Variants in GULP1 observed in about 807,000 individuals in gnomAD.
GULP1 encodes the protein GULP PTB domain containing engulfment adaptor 1.
GULP1 carries 19 observed loss-of-function variants against 40.9 expected under a neutral mutation model. The ratio of observed to expected loss-of-function variants is 0.46; its 90% CI spans 0.32 to 0.68. The LOEUF (loss-of-function observed/expected upper bound fraction) is 0.68. Ranked by LOEUF, GULP1 falls within the 30% of genes least tolerant of loss-of-function variation. GULP1 has a pLI of 0.03. For missense variants in GULP1, 312 were observed against 362.2 expected (o/e 0.86, Z 1.12); for synonymous variants, 119 against 117.6 (o/e 1.01, Z -0.08).
At chr2:188,391,530 A>G (rs555481747) in intron 2 of GULP1, among the ~76,000 whole-genome samples, 3 of 152,114 alleles carry the variant, frequency 2.0e-5, no homozygotes, top group South Asian at 4.1e-4. Context: ...ATGGTTTTCT[A>G]TGTATACAAT....
intron 4 of GULP1, among the ~76,000 whole-genome samples, chr2:188,514,907 T>C (rs1188410023): frequency 6.6e-6 from 1 of 152,208 alleles, no homozygotes; most frequent in East Asian, 1.9e-4. Flanking sequence ...TATACCTTAG[T>C]AGTATTCCAT....
chr2:188,542,513 T>C (rs957310021), intron 7 of GULP1, among the ~76,000 whole-genome samples: 1 of 152,004 alleles, frequency 6.6e-6, no homozygotes, highest in Non-Finnish European at 1.5e-5. Flanking sequence ...ATAGAGCAAG[T>C]TTTTATTTTT....
chr2:188,493,005 T>G (rs756025084), intron 4 of GULP1, among the ~76,000 whole-genome samples: 6 of 152,106 alleles, frequency 3.9e-5, no homozygotes, highest in Non-Finnish European at 8.8e-5. Context: ...TTTGCAACGT[T>G]TACATTTTGT....
In GULP1 at chr2:188,570,128, T is replaced by C. The variant is rs746688944; in HGVS notation, c.609+8T>C. The C allele has an allele frequency of 1.8e-6, 2 of 1,123,482 alleles. No homozygotes were observed. The highest frequency in any genetic ancestry group is 2.1e-5 in the Admixed American group (1 of 47,100). 69.6% of individuals were successfully genotyped at this position (1,123,482 alleles called of 1,614,324 possible). Reference sequence around the variant, plus strand: ...CAAGTATCAGCACCTCCAGTGAGTATATTGAATATCCTTAGAAACAAGATT... The same window carrying C: ...CAAGTATCAGCACCTCCAGTGAGTACATTGAATATCCTTAGAAACAAGATT... On this transcript the variant is annotated splice_region_variant and intron_variant, in intron 9 of 11. Coordinates refer to ENST00000409830, the MANE Select transcript of GULP1 (RefSeq NM_016315.4).
chr2:188,586,024 T>A (rs893380393), intron 10 of GULP1, among the ~76,000 whole-genome samples: 1 of 152,196 alleles, frequency 6.6e-6, no homozygotes, highest in Admixed American at 6.5e-5. Context: ...CCAGGTCACA[T>A]CTTGAATGCT....
chr2:188,539,055 A>G (rs752006676), intron 6 of GULP1, among the ~76,000 whole-genome samples: 16 of 152,052 alleles, frequency 1.1e-4, no homozygotes, highest in South Asian at 2.1e-4. Flanking sequence ...AGCAATCTCA[A>G]TAACAATTGG....
intron 2 of GULP1, among the ~76,000 whole-genome samples, chr2:188,385,284 G>C (rs572016843): frequency 1.3e-5 from 2 of 152,278 alleles, no homozygotes; most frequent in South Asian, 4.2e-4. Context: ...TGTGGAAGCT[G>C]CCAAGACTTG....
At chr2:188,382,027 A>G (rs6724867) in intron 1 of GULP1, among the ~76,000 whole-genome samples, 74,313 of 152,000 alleles carry the variant, frequency 0.49, 18,646 homozygotes, top group East Asian at 0.71. Context: ...TGGCCTTAAA[A>G]TATACTGTGC....
At chr2:188,418,417 A>C in intron 2 of GULP1, among the ~76,000 whole-genome samples, 1 of 152,136 alleles carries the variant, frequency 6.6e-6, no homozygotes, top group East Asian at 1.9e-4. Context: ...GGATCCCCTG[A>C]GGTCAGGAGT....
chr2:188,451,929 A>G (rs979075967), intron 2 of GULP1, among the ~76,000 whole-genome samples: 1 of 152,188 alleles, frequency 6.6e-6, no homozygotes, highest in Non-Finnish European at 1.5e-5. Context: ...GTGATAGTAA[A>G]TATGTTTTAA....
At chr2:188,395,379 G>T (rs969440058) in intron 2 of GULP1, among the ~76,000 whole-genome samples, 5 of 152,202 alleles carry the variant, frequency 3.3e-5, no homozygotes, top group Non-Finnish European at 7.3e-5. Context: ...TAATCCCCTT[G>T]AATTGTTCCA....
At chr2:188,393,952 A>G (rs1394816606) in intron 2 of GULP1, among the ~76,000 whole-genome samples, 1 of 151,974 alleles carries the variant, frequency 6.6e-6, no homozygotes, top group South Asian at 2.1e-4. Flanking sequence ...CTGCTCTTAG[A>G]ATTCTTTTTT....
intron 5 of GULP1, among the ~76,000 whole-genome samples, chr2:188,525,908 C>G (rs190390429): frequency 2.0e-5 from 3 of 152,056 alleles, no homozygotes; most frequent in South Asian, 2.1e-4. Flanking sequence ...ATATAAACAT[C>G]GCTCATTTCC....
At chr2:188,420,753 G>A (rs956081918) in intron 2 of GULP1, among the ~76,000 whole-genome samples, 1 of 152,138 alleles carries the variant, frequency 6.6e-6, no homozygotes, top group Non-Finnish European at 1.5e-5. Context: ...CTGGGAAAAG[G>A]CACCATTCAT....
intron 9 of GULP1, among the ~76,000 whole-genome samples, chr2:188,571,156 C>A (rs558679268): frequency 2.2e-4 from 33 of 151,552 alleles, no homozygotes; most frequent in Non-Finnish European, 4.1e-4. Context: ...GACTCTGTTT[C>A]AAAAAAAATT....
intron 1 of GULP1, among the ~76,000 whole-genome samples, chr2:188,311,804 A>C (rs1431904345): frequency 6.8e-6 from 1 of 148,056 alleles, no homozygotes; most frequent in African/African-American, 2.4e-5. Context: ...ATTTGTATGC[A>C]TATACTTATA....
chr2:188,306,932 G>T (rs2037193327), intron 1 of GULP1, among the ~76,000 whole-genome samples: 1 of 152,142 alleles, frequency 6.6e-6, no homozygotes, highest in African/African-American at 2.4e-5. Context: ...TACTTTTTGT[G>T]TATTTGATGA....
chr2:188,448,352 A>G (rs181427706), intron 2 of GULP1, among the ~76,000 whole-genome samples: 2 of 152,258 alleles, frequency 1.3e-5, no homozygotes, highest in Admixed American at 1.3e-4. Context: ...CCCAGAAATA[A>G]TTTTCCCATG....
At chr2:188,447,504 A>T (rs2058492959) in intron 2 of GULP1, among the ~76,000 whole-genome samples, 1 of 152,174 alleles carries the variant, frequency 6.6e-6, no homozygotes. Flanking sequence ...GATGGGAGTC[A>T]GCCTGGTATA....
Sources: gnomAD v4.1 joint callset for allele counts (sites outside exome capture counted in the v4.1 genomes callset) on GRCh38, gnomAD v4.1.1 for gene constraint, MANE v1.5 for transcripts, NCBI Gene and HGNC (gene_info 2026-07-23, HGNC 2026-07-21) for gene names.